Variants in ATP2C1 observed in about 807,000 individuals in gnomAD.
The protein encoded by ATP2C1 is ATPase secretory pathway Ca2+ transporting 1.
Under a neutral mutation model 120.5 loss-of-function variants are expected in ATP2C1, and 31 were observed. The ratio of observed to expected loss-of-function variants is 0.26; its 90% CI spans 0.19 to 0.35. The LOEUF (loss-of-function observed/expected upper bound fraction) is 0.35, where lower values mean the gene tolerates loss of function less well. ATP2C1 is among the 10% of genes least tolerant of loss of function. ATP2C1 has a pLI of 1.00. For missense variants in ATP2C1, 731 were observed against 1,107.5 expected (o/e 0.66, Z 4.83); for synonymous variants, 351 against 358.7 (o/e 0.98, Z 0.24).
chr3:130,878,990 A>G (rs2068695665), intron 1 of ATP2C1, among the ~76,000 whole-genome samples: 1 of 152,200 alleles, frequency 6.6e-6, no homozygotes, highest in Non-Finnish European at 1.5e-5. Context: ...GGACCATTCA[A>G]CATACACTTT....
In ATP2C1 at chr3:130,997,618, A is replaced by G. The variant is rs1230430597; in HGVS notation, c.2256A>G (p.Glu752=). 1 of 1,613,442 alleles carries G rather than the reference A, an allele frequency of 6.2e-7. No individual in the cohort carries two copies. The highest frequency in any genetic ancestry group is 1.3e-5 in the African/African-American group (1 of 75,032). The part of the protein sequence containing the change: ...DGPPAQSLGV[E]PVDKDVIRKP... Reference sequence around the variant, plus strand: ...GTTTGTTTTTAAGCCTTGGAGTAGAACCAGTGGATAAAGATGTCATTCGTA... The same window carrying G: ...GTTTGTTTTTAAGCCTTGGAGTAGAGCCAGTGGATAAAGATGTCATTCGTA... Residue 752 remains glutamate, a synonymous_variant, in exon 25 of 28, where the codon GAA becomes GAG. Transcript: ENST00000510168.
intron 24 of ATP2C1, among the ~76,000 whole-genome samples, chr3:130,997,195 A>T (rs765025628): frequency 8.2e-4 from 125 of 152,274 alleles, no homozygotes; most frequent in Non-Finnish European, 1.5e-3. Context: ...TAACTTTTTT[A>T]AAAAATTTAA....
At chr3:130,998,518 C>A in intron 26 of ATP2C1, 129 bp downstream of exon 26, 1 of 725,950 alleles carries the variant, frequency 1.4e-6, no homozygotes, top group Non-Finnish European at 2.5e-6. Flanking sequence ...CAGCCCCAGA[C>A]ACAGCCTTCT....
intron 26 of ATP2C1, chr3:131,013,909 T>A: frequency 1.7e-6 from 1 of 580,782 alleles, no homozygotes; most frequent in Non-Finnish European, 2.9e-6. Context: ...AAAAACAAAA[T>A]ACAAAATAAC....
intron 8 of ATP2C1, among the ~76,000 whole-genome samples, chr3:130,948,164 C>T (rs1241356556): frequency 6.6e-6 from 1 of 152,182 alleles, no homozygotes; most frequent in East Asian, 1.9e-4. Context: ...TTTATGTCTT[C>T]ATATGGCTTT....
intron 1 of ATP2C1, among the ~76,000 whole-genome samples, chr3:130,877,400 G>A (rs1173943776): frequency 6.6e-6 from 1 of 152,114 alleles, no homozygotes; most frequent in African/African-American, 2.4e-5. Flanking sequence ...CTGACAAAGG[G>A]CTAATATCCA....
At chr3:130,883,426 G>A (rs1212153530) in intron 1 of ATP2C1, among the ~76,000 whole-genome samples, 1 of 149,314 alleles carries the variant, frequency 6.7e-6, no homozygotes, top group Non-Finnish European at 1.5e-5. Context: ...TTTTAAAGAT[G>A]TATCATTAGG....
chr3:130,950,646 G>A lies in ATP2C1; in HGVS notation c.532-3175G>A, dbSNP rs149869015. 7.2e-4 allele frequency among the ~76,000 whole-genome samples: 110 copies of A among 152,098 alleles called. 1 individual carries two copies. The highest frequency in any genetic ancestry group is 2.4e-3 in the African/African-American group (100 of 41,504). ...AGATAGTTGAAATCTTTGCAGATTG[G>A]GACATTGTAAGATTTAGACAAATTT... is the stretch of plus-strand genomic sequence containing the variant. On this transcript the variant is annotated intron_variant, in intron 8 of 27. Coordinates refer to ENST00000510168, the MANE Select transcript of ATP2C1 (RefSeq NM_001378687.1).
intron 2 of ATP2C1, among the ~76,000 whole-genome samples, chr3:130,901,649 A>G (rs529227800): frequency 7.6e-4 from 115 of 152,206 alleles, no homozygotes; most frequent in Non-Finnish European, 1.5e-3. Context: ...TGAAGGGAAT[A>G]TATAGGTCAG....
chr3:131,007,039 A>G (rs2063144042), downstream of ATP2C1, among the ~76,000 whole-genome samples: 2 of 152,216 alleles, frequency 1.3e-5, no homozygotes, highest in Admixed American at 1.3e-4. Flanking sequence ...TATGTTTTAG[A>G]AAGCATTAAA....
intron 8 of ATP2C1, among the ~76,000 whole-genome samples, chr3:130,947,955 G>T (rs997591645): frequency 6.6e-6 from 1 of 152,072 alleles, no homozygotes; most frequent in East Asian, 1.9e-4. Flanking sequence ...ATACAAAATC[G>T]TACAGCCCAC....
chr3:130,941,252 G>GTGTGTCTGTGTGTGTGTGTGTGTGTGTC (rs1553764223), intron 7 of ATP2C1, among the ~76,000 whole-genome samples: 1 of 144,272 alleles, frequency 6.9e-6, no homozygotes, highest in African/African-American at 2.8e-5. Flanking sequence ...GTGTGTGTGT[G>GTGTGTCTGTGTGTGTGTGTGTGTGTGTC]TGTGTGTGTG....
chr3:130,946,178 A>T (rs2060145401), intron 8 of ATP2C1, among the ~76,000 whole-genome samples: 1 of 152,204 alleles, frequency 6.6e-6, no homozygotes, highest in Admixed American at 6.5e-5. Context: ...TTTTTATGAT[A>T]CTGGATTATC....
intron 8 of ATP2C1, among the ~76,000 whole-genome samples, chr3:130,951,217 A>G (rs1463885466): frequency 6.6e-6 from 1 of 152,166 alleles, no homozygotes; most frequent in African/African-American, 2.4e-5. Flanking sequence ...ATAAGTGGTT[A>G]CAAAATTGGG....
At chr3:130,951,088 TAAC>T (rs2108527160) in intron 8 of ATP2C1, among the ~76,000 whole-genome samples, 1 of 152,304 alleles carries the variant, frequency 6.6e-6, no homozygotes, top group Admixed American at 6.5e-5. Context: ...CTGACTGTTG[TAAC>T]AAGCATTAAA....
chr3:130,941,262 GTGTC>G lies in ATP2C1; in HGVS notation c.423-325_423-322del, dbSNP rs1559951865. ...TGTGTGTGTGTGTGTGTGTGTGTGT[GTGTC>G]TGTGTGTGTGCGCGCACGCGCGCAT... On this transcript the variant is annotated intron_variant, in intron 7 of 27. Coordinates refer to ENST00000510168, the MANE Select transcript of ATP2C1 (RefSeq NM_001378687.1). Among the ~76,000 whole-genome samples the G allele has an allele frequency of 3.9e-3, 561 of 143,374 alleles. 3 individuals are homozygous for G. The highest frequency in any genetic ancestry group is 0.013 in the African/African-American group (524 of 38,976). 94.1% of individuals were successfully genotyped at this position (143,374 alleles called of 152,430 possible).
At chr3:130,907,055 A>T (rs1004063988) in intron 2 of ATP2C1, among the ~76,000 whole-genome samples, 1 of 148,604 alleles carries the variant, frequency 6.7e-6, no homozygotes, top group African/African-American at 2.5e-5. Context: ...GTTGAGTTGT[A>T]AGAGTTCTTT....
intron 22 of ATP2C1, among the ~76,000 whole-genome samples, chr3:130,994,855 A>C (rs537041136): frequency 6.6e-6 from 1 of 152,296 alleles, no homozygotes; most frequent in East Asian, 1.9e-4. Flanking sequence ...TAGAAATCTT[A>C]GAAGAAATGG....
At chr3:130,898,225 A>T (rs2069808659) in intron 2 of ATP2C1, among the ~76,000 whole-genome samples, 1 of 152,230 alleles carries the variant, frequency 6.6e-6, no homozygotes, top group African/African-American at 2.4e-5. Flanking sequence ...TTAATTTAAG[A>T]TTATAGACAG....
Sources: allele counts gnomAD v4.1 joint callset (sites outside exome capture counted in the v4.1 genomes callset), GRCh38; gene constraint gnomAD v4.1.1; transcripts MANE v1.5; gene names NCBI Gene and HGNC (gene_info 2026-07-23, HGNC 2026-07-21).